CCSER1: variants seen among roughly 807,000 people sequenced by gnomAD.
CCSER1 encodes serine-rich coiled-coil domain-containing protein 1.
A neutral mutation model predicts 82.0 loss-of-function variants in CCSER1; 41 were observed. The observed-to-expected ratio is 0.50, with a 90% CI of 0.39 to 0.65. The LOEUF (loss-of-function observed/expected upper bound fraction) is 0.65, where lower values mean the gene tolerates loss of function less well. Among genes scored for constraint, CCSER1 ranks in the 30% least tolerant of loss-of-function variants. The pLI is 0.00. For missense variants in CCSER1, 1,119 were observed against 1,064.2 expected, an observed-to-expected ratio of 1.05 and a Z score of -0.72; for synonymous variants, 414 against 383.9, an observed-to-expected ratio of 1.08 and a Z score of -0.92.
chr4:90,543,508 TTTG>T (rs1296082325), intron 5 of CCSER1, among the ~76,000 whole-genome samples: 1 of 152,148 alleles, frequency 6.6e-6, no homozygotes, highest in Non-Finnish European at 1.5e-5. Context: ...GTGATTGTTT[TTTG>T]TTTGTTTTTA....
At chr4:91,595,092 A>G (rs540205183) in intron 10 of CCSER1, among the ~76,000 whole-genome samples, 1 of 152,112 alleles carries the variant, frequency 6.6e-6, no homozygotes, top group African/African-American at 2.4e-5. Context: ...ATCCAATACT[A>G]TAGCCCTTCC....
At chr4:90,165,654 C>T (rs892849065) in intron 1 of CCSER1, among the ~76,000 whole-genome samples, 1 of 151,968 alleles carries the variant, frequency 6.6e-6, no homozygotes. Flanking sequence ...ATTATAATTA[C>T]ATGTTTCTGT....
At chr4:90,549,476 A>G (rs546929070) in intron 5 of CCSER1, among the ~76,000 whole-genome samples, 3 of 152,220 alleles carry the variant, frequency 2.0e-5, no homozygotes, top group Admixed American at 1.3e-4. Context: ...TCAGGTGATC[A>G]TTCATGGCAC....
chr4:90,723,289 T>C (rs1331653262), intron 6 of CCSER1, among the ~76,000 whole-genome samples: 3 of 151,988 alleles, frequency 2.0e-5, no homozygotes, highest in Non-Finnish European at 4.4e-5. Flanking sequence ...TTTAAAAGAC[T>C]AGATAAACAG....
chr4:90,464,355 G>C (rs1578603424), intron 4 of CCSER1, among the ~76,000 whole-genome samples: 1 of 152,128 alleles, frequency 6.6e-6, no homozygotes, highest in Non-Finnish European at 1.5e-5. Flanking sequence ...TTATTTTAAA[G>C]TCCCTATTTG....
intron 5 of CCSER1, among the ~76,000 whole-genome samples, chr4:90,543,208 T>G (rs999451856): frequency 3.3e-5 from 5 of 152,136 alleles, no homozygotes; most frequent in African/African-American, 7.2e-5. Context: ...TAGCCATATA[T>G]AGAGAGACCT....
chr4:90,995,809 T>G (rs1214156387), intron 9 of CCSER1, among the ~76,000 whole-genome samples: 1 of 152,100 alleles, frequency 6.6e-6, no homozygotes. Context: ...AAAAGATCCA[T>G]AGTTGATTTG....
intron 10 of CCSER1, among the ~76,000 whole-genome samples, chr4:91,525,592 C>T (rs905634045): frequency 5.3e-5 from 8 of 152,198 alleles, no homozygotes; most frequent in Non-Finnish European, 7.4e-5. Context: ...TTTCCTCTCA[C>T]GCTTTAAGCT....
At chr4:90,653,477 C>T (rs575747672) in intron 6 of CCSER1, among the ~76,000 whole-genome samples, 1 of 151,496 alleles carries the variant, frequency 6.6e-6, no homozygotes, top group African/African-American at 2.4e-5. Flanking sequence ...ATTGAAGAAC[C>T]AATGAGATAA....
At chr4:91,244,112 T>C (rs1227101053) in intron 10 of CCSER1, among the ~76,000 whole-genome samples, 7 of 152,240 alleles carry the variant, frequency 4.6e-5, no homozygotes, top group Non-Finnish European at 1.0e-4. Context: ...AAATGAACAT[T>C]TGTGGTGGCC....
At chr4:91,154,970 A>G (rs1451283987) in intron 10 of CCSER1, among the ~76,000 whole-genome samples, 2 of 151,918 alleles carry the variant, frequency 1.3e-5, no homozygotes, top group African/African-American at 2.4e-5. Context: ...GCAGAATTCA[A>G]TCTCAAGCAA....
At chr4:90,276,206 CTT>C (rs1462589603) in intron 1 of CCSER1, among the ~76,000 whole-genome samples, 1 of 53,990 alleles carries the variant, frequency 1.9e-5, no homozygotes. Context: ...TTCTTTCTTT[CTT>C]TCTTTCTTTC....
chr4:91,200,213 A>C (rs1282806996), intron 10 of CCSER1, among the ~76,000 whole-genome samples: 1 of 152,108 alleles, frequency 6.6e-6, no homozygotes, highest in East Asian at 1.9e-4. Flanking sequence ...AATTTTCAAA[A>C]GAAAGATTGT....
chr4:90,514,474 G>A (rs1337973188), intron 5 of CCSER1, among the ~76,000 whole-genome samples: 1 of 152,098 alleles, frequency 6.6e-6, no homozygotes, highest in Non-Finnish European at 1.5e-5. Context: ...AACATTTTAG[G>A]CCAGACACAG....
intron 1 of CCSER1, among the ~76,000 whole-genome samples, chr4:90,183,378 T>A (rs1249110793): frequency 1.3e-5 from 2 of 152,030 alleles, no homozygotes; most frequent in African/African-American, 4.8e-5. Flanking sequence ...AGGTACAAAG[T>A]CTATAATGGT....
At chr4:91,270,849 C>T (rs1181615208) in intron 10 of CCSER1, among the ~76,000 whole-genome samples, 1 of 152,002 alleles carries the variant, frequency 6.6e-6, no homozygotes, top group Non-Finnish European at 1.5e-5. Context: ...TATAATAAAG[C>T]ATTTTAAATA....
chr4:91,007,611 CTATT>C (rs1738627166), intron 9 of CCSER1, among the ~76,000 whole-genome samples: 1 of 146,588 alleles, frequency 6.8e-6, no homozygotes, highest in Non-Finnish European at 1.5e-5. Flanking sequence ...ATCTCTGGTT[CTATT>C]TATTTGTCTT....
At position 90,367,708 on chromosome 4, in the gene CCSER1, A is replaced by G. The variant is rs145371171; in HGVS notation, c.1510-32328A>G. Among the ~76,000 whole-genome samples, 6 of 152,046 alleles carry G rather than the reference A, an allele frequency of 3.9e-5. No individual in the cohort carries two copies. In the South Asian group the frequency reaches 6.3e-4, roughly 16 times the overall value. On this transcript the variant is annotated intron_variant, in intron 3 of 10. Transcript: ENST00000509176. ...AAATATAAGAACAAACATGAAAATT[A>G]TGACTGAAAACGGAGTTGGTGACAG...
intron 10 of CCSER1, among the ~76,000 whole-genome samples, chr4:91,291,659 G>A (rs72877101): frequency 0.022 from 3,395 of 152,046 alleles, 135 homozygotes; most frequent in African/African-American, 0.075. Context: ...ACAGCACCAA[G>A]GGGACGGTGC....
Sources: gnomAD v4.1 joint callset for allele counts (sites outside exome capture counted in the v4.1 genomes callset) on GRCh38, gnomAD v4.1.1 for gene constraint, MANE v1.5 for transcripts, NCBI Gene and HGNC (gene_info 2026-07-23, HGNC 2026-07-21) for gene names.